The following BICD1 variants were observed in gnomAD, a reference collection of about 807,000 sequenced individuals.
BICD1 encodes the protein BICD cargo adaptor 1.
Under a neutral mutation model 92.5 loss-of-function variants are expected in BICD1, and 35 were observed. The observed-to-expected ratio is 0.38, with a 90% CI of 0.29 to 0.50. BICD1 has a LOEUF of 0.50. Ranked by LOEUF, BICD1 falls within the 20% of genes least tolerant of loss-of-function variation. The pLI is 0.93. For missense variants in BICD1, 950 were observed against 1,189.8 expected, an observed-to-expected ratio of 0.80 and a Z score of 2.97; for synonymous variants, 429 against 465.1, an observed-to-expected ratio of 0.92 and a Z score of 1.00.
chr12:32,140,480 T>C (rs897149388), intron 1 of BICD1, among the ~76,000 whole-genome samples: 1 of 152,136 alleles, frequency 6.6e-6, no homozygotes, highest in Admixed American at 6.6e-5. Context: ...TTGTTGTTGT[T>C]GTTGTTTTGT....
intron 9 of BICD1, among the ~76,000 whole-genome samples, chr12:32,374,568 CTTT>C (rs146526015): frequency 2.4e-5 from 3 of 124,900 alleles, no homozygotes; most frequent in Admixed American, 8.5e-5. Context: ...TTTCTTTCTT[CTTT>C]TTTTTTTTTT....
intron 4 of BICD1, among the ~76,000 whole-genome samples, chr12:32,314,251 G>T (rs867626567): frequency 6.6e-6 from 1 of 152,028 alleles, no homozygotes; most frequent in Non-Finnish European, 1.5e-5. Flanking sequence ...ACAAGTTTTC[G>T]TGTGCACGTA....
Position 32,288,797 on chromosome 12 carries a change from C to T in BICD1, c.427-5197C>T, listed in dbSNP as rs1004111672. ...ACAAGAATCACTTGAACCTGGGAGG[C>T]GGAGGTTGCAGTGAGCCAAGATCAT... On this transcript the variant is annotated intron_variant, in intron 2 of 9. Transcript: ENST00000652176. 6.0e-5 allele frequency among the ~76,000 whole-genome samples: 9 copies of T among 150,876 alleles called. No homozygotes were observed. In the South Asian group the frequency reaches 8.4e-4, roughly 14 times the overall value.
intron 4 of BICD1, among the ~76,000 whole-genome samples, chr12:32,320,974 G>C (rs1307292279): frequency 6.6e-6 from 1 of 152,186 alleles, no homozygotes; most frequent in African/African-American, 2.4e-5. Flanking sequence ...CACTTAAAAT[G>C]TATAGTAATT....
intron 2 of BICD1, among the ~76,000 whole-genome samples, chr12:32,288,623 T>C (rs775540741): frequency 6.6e-6 from 1 of 152,076 alleles, no homozygotes; most frequent in Non-Finnish European, 1.5e-5. Flanking sequence ...CCCAGCACTT[T>C]GGGAGGCCAA....
At chr12:32,343,821 AC>A (rs1389407047) in intron 8 of BICD1, among the ~76,000 whole-genome samples, 2 of 152,188 alleles carry the variant, frequency 1.3e-5, no homozygotes, top group African/African-American at 4.8e-5. Flanking sequence ...ATACGTAATC[AC>A]CCCTTGAGAT....
intron 2 of BICD1, among the ~76,000 whole-genome samples, chr12:32,261,217 T>C (rs762461887): frequency 6.8e-6 from 1 of 147,348 alleles, no homozygotes; most frequent in Non-Finnish European, 1.5e-5. Context: ...GACCCTGTGC[T>C]AGGGAACTCA....
chr12:32,319,139 T>C (rs1342515675), intron 4 of BICD1, among the ~76,000 whole-genome samples: 2 of 152,210 alleles, frequency 1.3e-5, no homozygotes, highest in Non-Finnish European at 2.9e-5. Flanking sequence ...TTTATTTGAT[T>C]TTCTCACCTA....
chr12:32,321,761 G>T (rs1948664958), intron 4 of BICD1, among the ~76,000 whole-genome samples: 1 of 152,204 alleles, frequency 6.6e-6, no homozygotes, highest in South Asian at 2.1e-4. Flanking sequence ...CACTTTTGGA[G>T]GCCAAGGCGG....
At chr12:32,365,746 T>C (rs1411001556) in intron 8 of BICD1, among the ~76,000 whole-genome samples, 6 of 152,216 alleles carry the variant, frequency 3.9e-5, no homozygotes, top group African/African-American at 1.4e-4. Context: ...ACCACTCAGA[T>C]AGGCAGGAAA....
intron 2 of BICD1, among the ~76,000 whole-genome samples, chr12:32,270,014 C>T (rs369667719): frequency 1.1e-4 from 16 of 151,330 alleles, no homozygotes; most frequent in East Asian, 2.0e-4. Context: ...CCCAGCTACT[C>T]GGGAGGCCGA....
chr12:32,293,839 T>G (rs1947788327), intron 2 of BICD1, among the ~76,000 whole-genome samples, 155 bp from the exon 3 acceptor site: 1 of 152,224 alleles, frequency 6.6e-6, no homozygotes, highest in Admixed American at 6.5e-5. Flanking sequence ...TTTTAAGTTT[T>G]TGACAGATAC....
intron 1 of BICD1, among the ~76,000 whole-genome samples, chr12:32,199,960 C>A (rs1944857973): frequency 6.6e-6 from 1 of 152,140 alleles, no homozygotes; most frequent in South Asian, 2.1e-4. Flanking sequence ...TCGTTACATT[C>A]CAGCCTTTGT....
chr12:32,209,036 T>C (rs1945140753), intron 1 of BICD1, among the ~76,000 whole-genome samples: 1 of 152,090 alleles, frequency 6.6e-6, no homozygotes, highest in Non-Finnish European at 1.5e-5. Flanking sequence ...GGTTTCACTA[T>C]GTTGGTCAGG....
chr12:32,175,608 A>G (rs546004408), intron 1 of BICD1, among the ~76,000 whole-genome samples: 46 of 152,292 alleles, frequency 3.0e-4, no homozygotes, highest in African/African-American at 1.1e-3. Context: ...ATGAGCCACC[A>G]ATCCCAGCCC....
At chr12:32,331,573 G>A (rs1045291916) in intron 5 of BICD1, among the ~76,000 whole-genome samples, 4 of 152,132 alleles carry the variant, frequency 2.6e-5, no homozygotes, top group African/African-American at 9.7e-5. Context: ...TATGTTTCAT[G>A]TATTCCTATA....
At chr12:32,245,560 A>G (rs1367516516) in intron 2 of BICD1, among the ~76,000 whole-genome samples, 1 of 152,232 alleles carries the variant, frequency 6.6e-6, no homozygotes, top group Non-Finnish European at 1.5e-5. Flanking sequence ...ATCTGAAGTC[A>G]GAGAGACTTG....
At chr12:32,224,463 C>T (rs1945625287) in intron 2 of BICD1, among the ~76,000 whole-genome samples, 1 of 152,218 alleles carries the variant, frequency 6.6e-6, no homozygotes, top group Non-Finnish European at 1.5e-5. Context: ...GGAGAGAGCT[C>T]TATTTCTTTT....
At chr12:32,209,910 A>G (rs1035448249) in intron 1 of BICD1, among the ~76,000 whole-genome samples, 3 of 152,208 alleles carry the variant, frequency 2.0e-5, no homozygotes, top group African/African-American at 7.2e-5. Context: ...CAAAATAAAA[A>G]ATTCAGTACT....
Sources: allele counts gnomAD v4.1 joint callset (sites outside exome capture counted in the v4.1 genomes callset), GRCh38; gene constraint gnomAD v4.1.1; transcripts MANE v1.5; gene names NCBI Gene and HGNC (gene_info 2026-07-23, HGNC 2026-07-21).